The following MDGA2 variants were observed in gnomAD, a reference collection of about 807,000 sequenced individuals.
MDGA2 encodes the protein MAM domain containing glycosylphosphatidylinositol anchor 2.
Under a neutral mutation model 117.8 loss-of-function variants are expected in MDGA2, and 40 were observed. The ratio of observed to expected loss-of-function variants is 0.34; its 90% CI spans 0.26 to 0.44. The LOEUF (loss-of-function observed/expected upper bound fraction) is 0.44, where lower values mean the gene tolerates loss of function less well. Among genes scored for constraint, MDGA2 ranks in the 20% least tolerant of loss-of-function variants. The pLI, the probability that MDGA2 is intolerant of heterozygous loss-of-function variation, is 1.00. For missense variants in MDGA2, 1,123 were observed against 1,250.6 expected (o/e 0.90, Z 1.54); for synonymous variants, 452 against 439.0 (o/e 1.03, Z -0.37).
chr14:47,207,241 G>C (rs1048688644), intron 3 of MDGA2, among the ~76,000 whole-genome samples: 1 of 151,820 alleles, frequency 6.6e-6, no homozygotes, highest in African/African-American at 2.4e-5. Flanking sequence ...AGGGAGGTGA[G>C]GTCGAAGGAT....
chr14:46,946,387 T>C (rs1339825376), intron 9 of MDGA2, among the ~76,000 whole-genome samples: 2 of 151,826 alleles, frequency 1.3e-5, no homozygotes. Context: ...TCTATTAATG[T>C]GCCTGCAAAA....
chr14:47,244,304 G>A (rs1009504819), intron 2 of MDGA2, among the ~76,000 whole-genome samples: 1 of 151,684 alleles, frequency 6.6e-6, no homozygotes, highest in African/African-American at 2.4e-5. Flanking sequence ...TTGCCCTAAA[G>A]CAATGTATTT....
At chr14:47,351,665 T>C (rs1890884428) in intron 1 of MDGA2, among the ~76,000 whole-genome samples, 1 of 152,194 alleles carries the variant, frequency 6.6e-6, no homozygotes, top group African/African-American at 2.4e-5. Context: ...TCAATTATGC[T>C]ATTCCATTAT....
Position 47,270,899 on chromosome 14 carries a change from T to C in MDGA2, c.420+30512A>G, listed in dbSNP as rs116263661. Reference sequence around the variant, plus strand: ...AAAAGAGGCTTGTTTACTCATGTGATTTCCTCTAACCGCAATCCTGCAGGG... The same window carrying C: ...AAAAGAGGCTTGTTTACTCATGTGACTTCCTCTAACCGCAATCCTGCAGGG... On this transcript the variant is annotated intron_variant, in intron 2 of 16. Transcript: ENST00000399232. 4.3e-3 allele frequency among the ~76,000 whole-genome samples: 657 copies of C among 152,284 alleles called. 4 individuals are homozygous for C. Among genetic ancestry groups the C allele is most frequent in the African/African-American group, 0.015 (632 of 41,564 alleles).
At chr14:47,231,504 AG>A (rs1886688324) in intron 2 of MDGA2, among the ~76,000 whole-genome samples, 1 of 152,070 alleles carries the variant, frequency 6.6e-6, no homozygotes, top group African/African-American at 2.4e-5. Flanking sequence ...CCTTTCTCCA[AG>A]AACAAGTGAA....
At chr14:47,301,679 G>C (rs1009354105) in intron 1 of MDGA2, 129 bp from the exon 2 acceptor site, 1 of 904,252 alleles carries the variant, frequency 1.1e-6, no homozygotes, top group Non-Finnish European at 1.7e-6. Context: ...AGATTCATCA[G>C]TCTTAACACC....
At chr14:46,967,186 C>T (rs1347989062) in intron 8 of MDGA2, among the ~76,000 whole-genome samples, 1 of 152,038 alleles carries the variant, frequency 6.6e-6, no homozygotes, top group African/African-American at 2.4e-5. Context: ...TCTTCAATCA[C>T]GTACAGTTGA....
chr14:47,216,892 T>G (rs1958092), intron 3 of MDGA2, among the ~76,000 whole-genome samples: 133,058 of 151,974 alleles, frequency 0.88, 58,388 homozygotes, highest in East Asian at 0.94. Flanking sequence ...AGGGGATGAA[T>G]GTTTCTGAAT....
intron 2 of MDGA2, 118 bp downstream of exon 2, chr14:47,301,292 CA>C (rs765937398): frequency 0.11 from 113,680 of 1,000,960 alleles, 6,722 homozygotes; most frequent in Non-Finnish European, 0.12. Flanking sequence ...CACCCACACC[CA>C]CCCACACACA....
intron 15 of MDGA2, among the ~76,000 whole-genome samples, chr14:46,851,818 C>A (rs1215973082): frequency 6.6e-6 from 1 of 151,420 alleles, no homozygotes; most frequent in Non-Finnish European, 1.5e-5. Context: ...ATATTGGTAT[C>A]ATTGTTGTTA....
chr14:47,365,613 T>C (rs1421319597), intron 1 of MDGA2, among the ~76,000 whole-genome samples: 1 of 152,208 alleles, frequency 6.6e-6, no homozygotes, highest in African/African-American at 2.4e-5. Flanking sequence ...CTCCTTTTTT[T>C]CCCCACATTA....
chr14:47,478,240 T>C (rs967310579), intron 1 of MDGA2, among the ~76,000 whole-genome samples: 8 of 152,218 alleles, frequency 5.3e-5, no homozygotes, highest in African/African-American at 1.9e-4. Flanking sequence ...CTTGTGTTAC[T>C]TGAAGGAGAC....
At chr14:47,324,253 A>C (rs112111173) in intron 1 of MDGA2, among the ~76,000 whole-genome samples, 26 of 152,138 alleles carry the variant, frequency 1.7e-4, no homozygotes, top group African/African-American at 6.3e-4. Flanking sequence ...TCAAAAGGAA[A>C]AAAAAAGATC....
intron 15 of MDGA2, among the ~76,000 whole-genome samples, chr14:46,847,077 T>C (rs904534802): frequency 1.1e-4 from 17 of 152,124 alleles, no homozygotes; most frequent in African/African-American, 4.1e-4. Flanking sequence ...GAACTTAGGC[T>C]ACTTTTGAGA....
chr14:47,519,745 T>C (rs566638983), intron 1 of MDGA2, among the ~76,000 whole-genome samples: 1 of 152,304 alleles, frequency 6.6e-6, no homozygotes, highest in South Asian at 2.1e-4. Context: ...TTACACCATA[T>C]ATGGGCATTC....
chr14:47,649,343 T>C (rs2138265435), intron 1 of MDGA2, among the ~76,000 whole-genome samples: 1 of 152,292 alleles, frequency 6.6e-6, no homozygotes, highest in East Asian at 1.9e-4. Flanking sequence ...GTGGCTCCAG[T>C]AAAATAAATG....
At chr14:47,150,714 G>C (rs537886791) in intron 3 of MDGA2, among the ~76,000 whole-genome samples, 44 of 152,052 alleles carry the variant, frequency 2.9e-4, no homozygotes, top group African/African-American at 9.6e-4. Context: ...ACCTGAAGTA[G>C]GAAATTAAAG....
rs115820321 is a variant in MDGA2 at position 47,349,234 on chromosome 14, C to T, written c.281-47684G>A. On this transcript the variant is annotated intron_variant, in intron 1 of 16. Transcript: ENST00000399232. ...TCTGTCAGAGGGCAGTAAAGTTTAC[C>T]GGCACTGGATTGCCCTAGACATGAG... 4.7e-3 allele frequency among the ~76,000 whole-genome samples: 718 copies of T among 152,224 alleles called. 4 individuals are homozygous for T. Among genetic ancestry groups the T allele is most frequent in the African/African-American group, 0.016 (671 of 41,528 alleles).
intron 3 of MDGA2, among the ~76,000 whole-genome samples, chr14:47,169,037 T>A: frequency 6.6e-6 from 1 of 152,206 alleles, no homozygotes; most frequent in East Asian, 1.9e-4. Flanking sequence ...GATAGAAATT[T>A]AATTAATTTA....
Sources: gnomAD v4.1 joint callset for allele counts (sites outside exome capture counted in the v4.1 genomes callset) on GRCh38, gnomAD v4.1.1 for gene constraint, MANE v1.5 for transcripts, NCBI Gene and HGNC (gene_info 2026-07-23, HGNC 2026-07-21) for gene names.